Variants in RPS6KC1 observed in about 807,000 individuals in gnomAD.
RPS6KC1 encodes ribosomal protein S6 kinase C1, also known as inactive ribosomal protein S6 kinase delta-1.
In RPS6KC1, 54 loss-of-function variants were observed where a neutral mutation model predicts 103.8. The ratio of observed to expected loss-of-function variants is 0.52; its 90% CI spans 0.42 to 0.65. The LOEUF (loss-of-function observed/expected upper bound fraction) is 0.65. Among genes scored for constraint, RPS6KC1 ranks in the 30% least tolerant of loss-of-function variants. The pLI is 0.00. For missense variants in RPS6KC1, 1,151 were observed against 1,253.8 expected, an observed-to-expected ratio of 0.92 and a Z score of 1.24; for synonymous variants, 439 against 438.7, an observed-to-expected ratio of 1.00 and a Z score of -0.01.
chr1:213,051,273 C>T lies in RPS6KC1; in HGVS notation c.-132C>T. ...AAGCAGAGCTGTGCAGCTGAGGCGC[C>T]GCCGTGGAGCCGCCTTGGAGCCACC... On this transcript the variant is annotated 5_prime_UTR_variant, in exon 1 of 15. Transcript: ENST00000366960. 1 of 642,344 alleles carries T rather than the reference C, an allele frequency of 1.6e-6. No individual in the cohort carries two copies. The highest frequency in any genetic ancestry group is 1.9e-5 in the South Asian group (1 of 53,254). 39.8% of individuals were successfully genotyped at this position (642,344 alleles called of 1,614,324 possible). A position where few individuals can be genotyped will look rare whatever the true frequency, so the allele number is the denominator to read the frequency against.
the RPS6KC1 span, among the ~76,000 whole-genome samples, chr1:213,768,388 A>G: frequency 6.6e-6 from 1 of 152,330 alleles, no homozygotes; most frequent in East Asian, 1.9e-4. Flanking sequence ...GGGAGAAAAA[A>G]AAATAGAATG....
the RPS6KC1 span, among the ~76,000 whole-genome samples, chr1:213,719,709 C>A: frequency 6.6e-6 from 1 of 152,114 alleles, no homozygotes; most frequent in African/African-American, 2.4e-5. Flanking sequence ...TGCCAGTGAT[C>A]CCCATTGGCC....
At chr1:213,397,588 TACACACACAC>T in the RPS6KC1 span, among the ~76,000 whole-genome samples, 29 of 140,372 alleles carry the variant, frequency 2.1e-4, no homozygotes, top group Admixed American at 4.3e-4. Context: ...CAGGAACACA[TACACACACAC>T]ACACACACAC....
At chr1:213,768,923 A>G in the RPS6KC1 span, among the ~76,000 whole-genome samples, 2 of 152,152 alleles carry the variant, frequency 1.3e-5, no homozygotes, top group Non-Finnish European at 2.9e-5. Flanking sequence ...ACATGAAAGG[A>G]TGCTGAATGT....
the RPS6KC1 span, among the ~76,000 whole-genome samples, chr1:213,477,350 AT>A: frequency 9.3e-3 from 1,338 of 143,940 alleles, 4 homozygotes; most frequent in African/African-American, 0.015. Flanking sequence ...TTATACCCTT[AT>A]TTTTTTTTTT....
chr1:213,611,677 T>C, the RPS6KC1 span, among the ~76,000 whole-genome samples: 1 of 152,232 alleles, frequency 6.6e-6, no homozygotes, highest in Non-Finnish European at 1.5e-5. Context: ...GCATCTTGTA[T>C]TTAGCTCTTG....
chr1:213,788,451 C>A, the RPS6KC1 span, among the ~76,000 whole-genome samples: 221 of 152,250 alleles, frequency 1.5e-3, no homozygotes, highest in Non-Finnish European at 2.5e-3. Context: ...TAAACACGAC[C>A]TATTTTCTAT....
chr1:213,254,843 C>T (rs573406102), intron 12 of RPS6KC1, among the ~76,000 whole-genome samples: 1 of 152,182 alleles, frequency 6.6e-6, no homozygotes, highest in South Asian at 2.1e-4. Flanking sequence ...TGTGCCACTA[C>T]ACTTGTGGAG....
the RPS6KC1 span, among the ~76,000 whole-genome samples, chr1:213,677,007 G>A: frequency 6.6e-6 from 1 of 152,242 alleles, no homozygotes; most frequent in Admixed American, 6.5e-5. Flanking sequence ...CAGATAGATA[G>A]ATAGGAGAGA....
chr1:213,224,336 G>A (rs568491797), intron 8 of RPS6KC1, among the ~76,000 whole-genome samples: 4 of 152,220 alleles, frequency 2.6e-5, no homozygotes, highest in South Asian at 2.1e-4. Context: ...GAACAGATGA[G>A]GCTAATCCTT....
intron 6 of RPS6KC1, among the ~76,000 whole-genome samples, chr1:213,143,062 T>C (rs1284684387): frequency 6.6e-6 from 1 of 152,114 alleles, no homozygotes; most frequent in Non-Finnish European, 1.5e-5. Flanking sequence ...ACTACCGTTG[T>C]GTAGTTTATA....
intron 1 of RPS6KC1, among the ~76,000 whole-genome samples, chr1:213,058,134 C>T (rs980845930): frequency 6.1e-5 from 8 of 130,272 alleles, no homozygotes; most frequent in Non-Finnish European, 1.1e-4. Flanking sequence ...AGTGCTTATT[C>T]GCAGGTGTGA....
the RPS6KC1 span, among the ~76,000 whole-genome samples, chr1:213,629,412 C>CT: frequency 8.7e-5 from 13 of 150,188 alleles, no homozygotes; most frequent in Non-Finnish European, 1.8e-4. Context: ...CAACCCCTGC[C>CT]TTTTTTTGTT....
the RPS6KC1 span, among the ~76,000 whole-genome samples, chr1:213,595,779 A>C: frequency 2.0e-5 from 3 of 152,236 alleles, no homozygotes; most frequent in Non-Finnish European, 2.9e-5. Context: ...TGGCATTCTC[A>C]AAATTCAGCT....
Position 213,129,474 on chromosome 1 carries a change from G to A in RPS6KC1, c.473-53G>A, listed in dbSNP as rs187696373. 96 of 1,499,508 alleles carry A rather than the reference G, an allele frequency of 6.4e-5. No homozygotes were observed. The African/African-American group carries it at 8.8e-4, about 14-fold the overall frequency. The allele number at this position is 1,499,508 out of a possible 1,614,324, so 92.9% of individuals were successfully genotyped here. On this transcript the variant is annotated intron_variant, in intron 5 of 14. Transcript: ENST00000366960. ...TGAATAATTAGCATGATTTGTATTC[G>A]TTTGGCTGATTCTCAATTTAATATC... is the stretch of plus-strand genomic sequence containing the variant.
the RPS6KC1 span, among the ~76,000 whole-genome samples, chr1:213,765,297 A>C: frequency 6.6e-6 from 1 of 152,200 alleles, no homozygotes; most frequent in East Asian, 1.9e-4. Context: ...TAGCGCCCCT[A>C]AGAAGGCATC....
chr1:213,159,240 T>G (rs549742647), intron 6 of RPS6KC1, among the ~76,000 whole-genome samples: 2 of 152,304 alleles, frequency 1.3e-5, no homozygotes, highest in Admixed American at 6.5e-5. Context: ...ACGAGTAGTT[T>G]CCTGGCATAT....
At chr1:213,761,230 A>C in the RPS6KC1 span, among the ~76,000 whole-genome samples, 1 of 152,110 alleles carries the variant, frequency 6.6e-6, no homozygotes, top group African/African-American at 2.4e-5. Flanking sequence ...TCAAGTCATG[A>C]ATTTCTGCTC....
the RPS6KC1 span, among the ~76,000 whole-genome samples, chr1:213,696,502 CAAAAAAAAAAA>C: frequency 4.5e-4 from 55 of 120,928 alleles, no homozygotes; most frequent in Middle Eastern, 9.3e-3. Flanking sequence ...AACTCCGTCT[CAAAAAAAAAAA>C]AAAAAAAAAA....
Sources: gnomAD v4.1 joint callset for allele counts (sites outside exome capture counted in the v4.1 genomes callset) on GRCh38, gnomAD v4.1.1 for gene constraint, MANE v1.5 for transcripts, NCBI Gene and HGNC (gene_info 2026-07-23, HGNC 2026-07-21) for gene names.